Variants in ULK4 observed in about 807,000 individuals in gnomAD.
ULK4 encodes unc-51 like kinase 4.
A neutral mutation model predicts 160.6 loss-of-function variants in ULK4; 133 were observed. That is an observed-to-expected ratio of 0.83 (90% CI 0.72 to 0.96). The LOEUF is 0.96. Ranked by LOEUF, ULK4 falls within the 40% of genes least tolerant of loss-of-function variation. ULK4 has a pLI of 0.00. For missense variants in ULK4, 1,580 were observed against 1,499.5 expected, an observed-to-expected ratio of 1.05 and a Z score of -0.89; for synonymous variants, 534 against 539.8, an observed-to-expected ratio of 0.99 and a Z score of 0.15.
intron 21 of ULK4, among the ~76,000 whole-genome samples, chr3:41,789,329 A>C (rs1257372786): frequency 6.6e-6 from 1 of 152,178 alleles, no homozygotes; most frequent in Admixed American, 6.5e-5. Flanking sequence ...CCCCCTAAAA[A>C]AGGCAAAGGC....
At chr3:41,945,683 A>G (rs1207169269) in intron 2 of ULK4, among the ~76,000 whole-genome samples, 1 of 152,196 alleles carries the variant, frequency 6.6e-6, no homozygotes, top group African/African-American at 2.4e-5. Flanking sequence ...GCCCATTTCC[A>G]GATGTCTTCC....
chr3:41,558,706 A>G (rs936965892), intron 32 of ULK4, among the ~76,000 whole-genome samples: 1 of 151,274 alleles, frequency 6.6e-6, no homozygotes, highest in Admixed American at 6.6e-5. Flanking sequence ...TCCATCTCAA[A>G]AAAAAAAGAA....
intron 19 of ULK4, among the ~76,000 whole-genome samples, chr3:41,803,010 C>A (rs2040512344): frequency 6.6e-6 from 1 of 151,962 alleles, no homozygotes; most frequent in African/African-American, 2.4e-5. Context: ...ACCAAAAACA[C>A]AAAAATTAGC....
At chr3:41,651,784 A>G (rs912776192) in intron 30 of ULK4, among the ~76,000 whole-genome samples, 1 of 152,214 alleles carries the variant, frequency 6.6e-6, no homozygotes, top group Non-Finnish European at 1.5e-5. Flanking sequence ...TACAGAAGGA[A>G]GGAACTGTGA....
intron 20 of ULK4, among the ~76,000 whole-genome samples, chr3:41,793,626 G>A (rs1040997092): frequency 4.7e-4 from 72 of 152,174 alleles, no homozygotes; most frequent in Non-Finnish European, 1.2e-4. Flanking sequence ...CCACTATCCT[G>A]CATACTTCTT....
intron 22 of ULK4, among the ~76,000 whole-genome samples, chr3:41,740,549 T>C (rs369516378): frequency 2.6e-5 from 4 of 151,954 alleles, no homozygotes; most frequent in African/African-American, 9.7e-5. Context: ...TTATCTGATC[T>C]TGACAGCTCA....
intron 35 of ULK4, among the ~76,000 whole-genome samples, chr3:41,300,218 T>C (rs1046530828): frequency 2.6e-5 from 4 of 152,212 alleles, no homozygotes; most frequent in Non-Finnish European, 4.4e-5. Flanking sequence ...GTCTGATTTA[T>C]ATATCACCGA....
At chr3:41,530,395 TG>T (rs1167853598) in intron 32 of ULK4, among the ~76,000 whole-genome samples, 10 of 152,204 alleles carry the variant, frequency 6.6e-5, no homozygotes, top group African/African-American at 2.4e-4. Context: ...GGAGTTGCAC[TG>T]GGCCCTTATG....
intron 27 of ULK4, among the ~76,000 whole-genome samples, chr3:41,691,767 A>T (rs2036308258): frequency 6.6e-6 from 1 of 151,758 alleles, no homozygotes; most frequent in Non-Finnish European, 1.5e-5. Context: ...ATGTTACAGG[A>T]TGTTTGGAGA....
intron 35 of ULK4, among the ~76,000 whole-genome samples, chr3:41,314,119 A>G (rs2080103058): frequency 6.6e-6 from 1 of 152,222 alleles, no homozygotes; most frequent in African/African-American, 2.4e-5. Flanking sequence ...AATAGAGACA[A>G]GTTGACTTCA....
intron 32 of ULK4, among the ~76,000 whole-genome samples, chr3:41,502,155 T>C (rs1203672170): frequency 6.6e-6 from 1 of 152,230 alleles, no homozygotes; most frequent in African/African-American, 2.4e-5. Flanking sequence ...CTGCAATAAA[T>C]ATGGGAATGC....
chr3:41,252,327 A>C (rs1394269172), intron 35 of ULK4, among the ~76,000 whole-genome samples: 1 of 152,228 alleles, frequency 6.6e-6, no homozygotes, highest in Non-Finnish European at 1.5e-5. Flanking sequence ...ATATGTTGGA[A>C]TTATCTGACA....
chr3:41,714,361 G>T (rs1189884770), intron 25 of ULK4, among the ~76,000 whole-genome samples: 1 of 151,994 alleles, frequency 6.6e-6, no homozygotes, highest in East Asian at 1.9e-4. Flanking sequence ...CACTTGTTGT[G>T]GCAATCTTTT....
intron 17 of ULK4, among the ~76,000 whole-genome samples, chr3:41,839,752 T>C (rs898125715): frequency 2.6e-5 from 4 of 152,118 alleles, no homozygotes; most frequent in African/African-American, 9.7e-5. Context: ...GGATACAATG[T>C]TAACATTCAA....
chr3:41,492,379 C>A (rs1292588442), intron 32 of ULK4, among the ~76,000 whole-genome samples: 1 of 144,270 alleles, frequency 6.9e-6, no homozygotes, highest in Non-Finnish European at 1.5e-5. Flanking sequence ...TTCTCCACAT[C>A]CTCCCCAGCA....
chr3:41,842,821 G>C (rs1441025669), intron 17 of ULK4, among the ~76,000 whole-genome samples: 1 of 152,156 alleles, frequency 6.6e-6, no homozygotes, highest in Non-Finnish European at 1.5e-5. Context: ...ATTACTGGTG[G>C]GATAGGCACA....
chr3:41,300,587 C>G (rs2079765554), intron 35 of ULK4, among the ~76,000 whole-genome samples: 1 of 151,638 alleles, frequency 6.6e-6, no homozygotes, highest in Admixed American at 6.6e-5. Context: ...CTGTGTGAAC[C>G]TTTATCTTAA....
chr3:41,897,925 T>C (rs1265271682), intron 14 of ULK4, among the ~76,000 whole-genome samples: 1 of 152,246 alleles, frequency 6.6e-6, no homozygotes. Context: ...AAATTTCTGA[T>C]GGTCACCCTA....
At chr3:41,794,535 C>G (rs2040236800) in intron 20 of ULK4, among the ~76,000 whole-genome samples, 1 of 151,462 alleles carries the variant, frequency 6.6e-6, no homozygotes, top group Middle Eastern at 3.2e-3. Flanking sequence ...ATGGTGGACA[C>G]CTGTAATCTC....
Sources: allele counts gnomAD v4.1 joint callset (sites outside exome capture counted in the v4.1 genomes callset), GRCh38; gene constraint gnomAD v4.1.1; transcripts MANE v1.5; gene names NCBI Gene and HGNC (gene_info 2026-07-23, HGNC 2026-07-21).